The following SAP18 variants were observed in gnomAD, a reference collection of about 807,000 sequenced individuals.
SAP18 encodes Sin3A associated protein 18, also known as histone deacetylase complex subunit SAP18.
SAP18 carries 4 observed loss-of-function variants against 18.6 expected under a neutral mutation model. That is an observed-to-expected ratio of 0.21 (90% CI 0.11 to 0.49). The LOEUF (loss-of-function observed/expected upper bound fraction) is 0.49, where lower values mean the gene tolerates loss of function less well. Among genes scored for constraint, SAP18 ranks in the 20% least tolerant of loss-of-function variants. SAP18 has a pLI of 0.98. For synonymous variants in SAP18, 112 were observed against 82.8 expected (o/e 1.35, Z -1.92); for missense variants, 170 against 226.4 (o/e 0.75, Z 1.60).
chr13:21,147,463 T>C (rs1869688852), exon 4 of SAP18: 1 of 862,378 alleles, frequency 1.2e-6, no homozygotes, highest in African/African-American at 1.7e-5. Context: ...TAATGCATCA[T>C]CTATTTAGGA....
In SAP18 at chr13:21,147,376, G is replaced by A. The variant is rs760386842; in HGVS notation, c.*34G>A. 1.7e-5 allele frequency: 26 copies of A among 1,568,458 alleles called. 1 individual carries two copies. Among genetic ancestry groups the A allele is most frequent in the Middle Eastern group, 3.4e-4 (2 of 5,898 alleles). ...TACTATTTGTTGAATTTATTTTTCC[G>A]TCAGTTATGTAAAATAAACATACTC... On this transcript the variant is annotated 3_prime_UTR_variant, in exon 4 of 4. Coordinates refer to ENST00000621421, the Ensembl canonical transcript of SAP18.
chr13:21,142,855 C>T (rs1447081290), intron 2 of SAP18, among the ~76,000 whole-genome samples: 1 of 152,138 alleles, frequency 6.6e-6, no homozygotes, highest in Non-Finnish European at 1.5e-5. Flanking sequence ...GCCCAGTGTG[C>T]CGGTACCCTG....
rs1289905741 is a variant in SAP18 at position 21,147,181 on chromosome 13, T to A, written c.363-5T>A. The A allele has an allele frequency of 6.2e-7, 1 of 1,607,484 alleles. No homozygotes were observed. Among genetic ancestry groups the A allele is most frequent in the Non-Finnish European group, 8.5e-7 (1 of 1,177,932 alleles). ...TCCATTAACAGTTGATTTTCTTTCT[T>A]ACAGAGTTAAGGAGATTGGCAGCAC... On this transcript the variant is annotated splice_region_variant and splice_polypyrimidine_tract_variant and intron_variant, in intron 3 of 3. Transcript: ENST00000621421.
chr13:21,147,243 C>T (rs773846636), exon 4 of SAP18: 15 of 1,614,082 alleles, frequency 9.3e-6, no homozygotes, highest in South Asian at 4.4e-5. Context: ...ATTCCATGAC[C>T]CTGCAGTCGC....
At chr13:21,148,659 A>G (rs1212036374) in exon 4 of SAP18, 1 of 150,694 alleles carries the variant, frequency 6.6e-6, no homozygotes, top group Non-Finnish European at 1.5e-5. Context: ...TTTACCCCAA[A>G]CCTTTAGGTT....
chr13:21,140,442 G>A (rs190705962), upstream of SAP18: 187 of 1,269,306 alleles, frequency 1.5e-4, no homozygotes, highest in East Asian at 4.5e-3. Flanking sequence ...ACGCAGGCGC[G>A]CTCCGGCTCG....
chr13:21,146,082 CTT>C (rs1869640663), intron 2 of SAP18, among the ~76,000 whole-genome samples: 4 of 152,122 alleles, frequency 2.6e-5, no homozygotes, highest in Non-Finnish European at 5.9e-5. Flanking sequence ...GTGGCTCACG[CTT>C]GTAATCAATC....
At chr13:21,141,886 C>T (rs146723825) in intron 2 of SAP18, among the ~76,000 whole-genome samples, 1,954 of 150,916 alleles carry the variant, frequency 0.013, 48 homozygotes, top group African/African-American at 0.045. Context: ...AGGCTGGTCT[C>T]GAACTCTTGA....
At chr13:21,141,277 AG>A in intron 2 of SAP18, 1 of 476,908 alleles carries the variant, frequency 2.1e-6, no homozygotes, top group Non-Finnish European at 3.8e-6. Context: ...CAAAAGTGAT[AG>A]GTAGATAAAT....
chr13:21,141,141 A>G, intron 2 of SAP18, 146 bp downstream of exon 2: 3 of 630,288 alleles, frequency 4.8e-6, no homozygotes, highest in South Asian at 3.8e-5. Flanking sequence ...GGAAGTTAGA[A>G]GTTTTTGTTG....
intron 2 of SAP18, among the ~76,000 whole-genome samples, chr13:21,142,963 T>G (rs1455218167): frequency 6.6e-6 from 1 of 152,210 alleles, no homozygotes; most frequent in African/African-American, 2.4e-5. Flanking sequence ...TGAATTTGCC[T>G]ATTCTGCATA....
exon 1 of SAP18, chr13:21,140,534 C>T (rs1017859131): frequency 2.6e-6 from 4 of 1,566,974 alleles, no homozygotes; most frequent in Non-Finnish European, 2.6e-6. Context: ...AGCTTCTCCT[C>T]GCGAGAGACT....
chr13:21,140,306 C>G (rs989564504), upstream of SAP18, among the ~76,000 whole-genome samples: 4 of 152,228 alleles, frequency 2.6e-5, no homozygotes, highest in Non-Finnish European at 2.9e-5. Context: ...AAAACGCCAC[C>G]TTAAGCTTAT....
intron 2 of SAP18, among the ~76,000 whole-genome samples, chr13:21,144,763 C>A (rs1473370684): frequency 6.6e-6 from 1 of 152,146 alleles, no homozygotes. Context: ...CAACACTTGG[C>A]ACTCCAATTG....
intron 2 of SAP18, among the ~76,000 whole-genome samples, chr13:21,145,631 G>C (rs922573478): frequency 2.0e-5 from 3 of 152,064 alleles, no homozygotes; most frequent in Non-Finnish European, 4.4e-5. Context: ...TCAGCCTCTC[G>C]AGTAGCTGGG....
At chr13:21,148,061 G>T (rs1213129672) in exon 4 of SAP18, 1 of 152,248 alleles carries the variant, frequency 6.6e-6, no homozygotes, top group African/African-American at 2.4e-5. Context: ...CGAGGGAGAA[G>T]AGCCAAGGAC....
chr13:21,140,608 A>C, exon 1 of SAP18: 1 of 1,611,938 alleles, frequency 6.2e-7, no homozygotes, highest in Non-Finnish European at 8.5e-7. Flanking sequence ...CGTAGGAGGA[A>C]GATGGCGGTG....
At chr13:21,140,553 A>C (rs746060471) in exon 1 of SAP18, 7 of 1,588,356 alleles carry the variant, frequency 4.4e-6, no homozygotes, top group South Asian at 2.3e-5. Context: ...CTTAGTGCTC[A>C]TGCTCGCTGC....
chr13:21,144,381 G>C (rs1046213906), intron 2 of SAP18, among the ~76,000 whole-genome samples: 3 of 131,644 alleles, frequency 2.3e-5, no homozygotes, highest in Non-Finnish European at 4.6e-5. Flanking sequence ...ACTCCAGCCC[G>C]GGCGACAGAG....
Sources: gnomAD v4.1 joint callset for allele counts (sites outside exome capture counted in the v4.1 genomes callset) on GRCh38, gnomAD v4.1.1 for gene constraint, MANE v1.5 for transcripts, NCBI Gene and HGNC (gene_info 2026-07-23, HGNC 2026-07-21) for gene names.